Variants in ITGBL1 observed in about 807,000 individuals in gnomAD.
The protein encoded by ITGBL1 is integrin beta-like protein 1.
Under a neutral mutation model 68.5 loss-of-function variants are expected in ITGBL1, and 51 were observed. The observed-to-expected ratio is 0.74, with a 90% confidence interval of 0.59 to 0.94. ITGBL1 has a LOEUF of 0.94. Among genes scored for constraint, ITGBL1 ranks in the 40% least tolerant of loss-of-function variants. ITGBL1 has a pLI of 0.00. For synonymous variants in ITGBL1, 209 were observed against 227.3 expected (o/e 0.92, Z 0.72); for missense variants, 649 against 647.4 (o/e 1.00, Z -0.03).
At chr13:101,686,656 G>A (rs945936438) in intron 7 of ITGBL1, among the ~76,000 whole-genome samples, 2 of 151,908 alleles carry the variant, frequency 1.3e-5, no homozygotes, top group African/African-American at 4.8e-5. Flanking sequence ...TTTAAGGTTA[G>A]AATGAGATAA....
intron 2 of ITGBL1, among the ~76,000 whole-genome samples, chr13:101,550,554 C>T (rs953592628): frequency 1.3e-5 from 2 of 152,144 alleles, no homozygotes; most frequent in Admixed American, 6.6e-5. Context: ...ATGTCTTCTG[C>T]CAGAATCCGT....
chr13:101,566,651 A>C (rs1164941740), intron 2 of ITGBL1, among the ~76,000 whole-genome samples: 6 of 152,300 alleles, frequency 3.9e-5, no homozygotes, highest in Admixed American at 1.3e-4. Context: ...CTGACCAACC[A>C]TCTGGACCTT....
intron 7 of ITGBL1, among the ~76,000 whole-genome samples, chr13:101,678,850 A>G (rs1437667417): frequency 6.6e-6 from 1 of 151,968 alleles, no homozygotes; most frequent in African/African-American, 2.4e-5. Flanking sequence ...AAGTGACTAG[A>G]GCCTGATTCT....
At chr13:101,545,141 G>A (rs565453514) in intron 2 of ITGBL1, among the ~76,000 whole-genome samples, 23 of 152,274 alleles carry the variant, frequency 1.5e-4, no homozygotes, top group East Asian at 3.9e-4. Flanking sequence ...CTTCTGCGTC[G>A]CTCACACTGG....
At chr13:101,576,524 C>G (rs928142326) in intron 4 of ITGBL1, among the ~76,000 whole-genome samples, 1 of 152,136 alleles carries the variant, frequency 6.6e-6, no homozygotes, top group South Asian at 2.1e-4. Flanking sequence ...TCATGGGATT[C>G]CAGTTGAAGG....
intron 2 of ITGBL1, among the ~76,000 whole-genome samples, chr13:101,487,317 T>A (rs999027646): frequency 1.3e-5 from 2 of 152,174 alleles, no homozygotes; most frequent in African/African-American, 4.8e-5. Flanking sequence ...CCTGTCCTTA[T>A]CCTGTGACCT....
At chr13:101,621,713 C>G (rs1345332202) in intron 7 of ITGBL1, among the ~76,000 whole-genome samples, 2 of 152,066 alleles carry the variant, frequency 1.3e-5, no homozygotes, top group African/African-American at 4.8e-5. Flanking sequence ...AAAAAGAAAG[C>G]TTTTTCAAAA....
intron 2 of ITGBL1, among the ~76,000 whole-genome samples, chr13:101,535,371 C>A (rs539611939): frequency 4.5e-4 from 69 of 152,198 alleles, no homozygotes; most frequent in African/African-American, 1.6e-3. Context: ...CTGTGTTCTT[C>A]TGGGAGTGCT....
At chr13:101,508,475 A>G (rs1031057975) in intron 2 of ITGBL1, among the ~76,000 whole-genome samples, 5 of 152,188 alleles carry the variant, frequency 3.3e-5, no homozygotes, top group Admixed American at 1.3e-4. Flanking sequence ...CTTTATAAGA[A>G]TATGGTTCTA....
intron 7 of ITGBL1, among the ~76,000 whole-genome samples, chr13:101,687,472 C>T (rs73558040): frequency 0.017 from 2,581 of 151,794 alleles, 81 homozygotes; most frequent in African/African-American, 0.058. Flanking sequence ...GGGCTTTTTG[C>T]TTATATCTTG....
At chr13:101,538,768 A>T (rs976288593) in intron 2 of ITGBL1, among the ~76,000 whole-genome samples, 3 of 152,176 alleles carry the variant, frequency 2.0e-5, no homozygotes, top group African/African-American at 7.2e-5. Flanking sequence ...AGGGAAAATT[A>T]CATGAGAGCA....
intron 6 of ITGBL1, among the ~76,000 whole-genome samples, chr13:101,587,528 T>C (rs1490384331): frequency 6.6e-6 from 1 of 152,212 alleles, no homozygotes; most frequent in Non-Finnish European, 1.5e-5. Flanking sequence ...GATTCTAATA[T>C]AACTGCTTTA....
At chr13:101,701,006 T>C (rs72659188) in intron 8 of ITGBL1, among the ~76,000 whole-genome samples, 29,676 of 152,206 alleles carry the variant, frequency 0.19, 3,705 homozygotes, top group Admixed American at 0.3. Flanking sequence ...ATGCCTATTT[T>C]ACTTACTGTT....
chr13:101,561,392 C>G lies in ITGBL1; in HGVS notation c.317-6307C>G, dbSNP rs1424465529. Among the ~76,000 whole-genome samples the G allele has an allele frequency of 4.6e-5, 7 of 152,146 alleles. 1 individual carries two copies. The highest frequency in any genetic ancestry group is 9.7e-5 in the African/African-American group (4 of 41,428). On this transcript the variant is annotated intron_variant, in intron 2 of 10. Transcript: ENST00000376180. ...TTCCCCTATAAAACAAAATCTTTCA[C>G]TGTCGGGGAAAGGGTAATACATCTC...
chr13:101,569,130 G>A (rs571960151), intron 3 of ITGBL1, among the ~76,000 whole-genome samples: 8 of 149,294 alleles, frequency 5.4e-5, no homozygotes, highest in South Asian at 2.1e-4. Flanking sequence ...ACGCGCACGC[G>A]CGCGCATGCC....
At chr13:101,543,674 C>T (rs187333935) in intron 2 of ITGBL1, among the ~76,000 whole-genome samples, 2 of 152,278 alleles carry the variant, frequency 1.3e-5, no homozygotes, top group African/African-American at 4.8e-5. Flanking sequence ...GTTCCATTCT[C>T]CCTGTCACTT....
intron 2 of ITGBL1, among the ~76,000 whole-genome samples, chr13:101,464,044 G>A (rs1010823691): frequency 6.6e-6 from 1 of 151,902 alleles, no homozygotes. Context: ...GAGTAGCAGG[G>A]ACTACAGGCG....
intron 2 of ITGBL1, among the ~76,000 whole-genome samples, chr13:101,487,241 T>C (rs2048714073): frequency 6.6e-6 from 1 of 152,174 alleles, no homozygotes; most frequent in Non-Finnish European, 1.5e-5. Flanking sequence ...TTTTAAATCA[T>C]ATCAGGTCTG....
At chr13:101,663,822 G>GA (rs138093510) in intron 7 of ITGBL1, among the ~76,000 whole-genome samples, 3,072 of 152,134 alleles carry the variant, frequency 0.02, 114 homozygotes, top group African/African-American at 0.069. Context: ...GATGATGATT[G>GA]AAAAAACAAT....
Sources: gnomAD v4.1 joint callset for allele counts (sites outside exome capture counted in the v4.1 genomes callset) on GRCh38, gnomAD v4.1.1 for gene constraint, MANE v1.5 for transcripts, NCBI Gene and HGNC (gene_info 2026-07-23, HGNC 2026-07-21) for gene names.